Variants in DCPH1 observed in about 807,000 individuals in gnomAD.
DCPH1 encodes the protein damage-control phosphatase 1.
the DCPH1 span, chr6:151,452,482 G>A: frequency 6.3e-7 from 1 of 1,580,076 alleles, no homozygotes. Flanking sequence ...CCTTCGCGGC[G>A]GTACCGCCTC....
the DCPH1 span, chr6:151,454,519 G>C: frequency 1.9e-6 from 2 of 1,068,660 alleles, no homozygotes; most frequent in Non-Finnish European, 2.9e-6. Flanking sequence ...ATGCTGCTAA[G>C]TTATATATTG....
chr6:151,458,221 G>A, the DCPH1 span: 1 of 1,385,230 alleles, frequency 7.2e-7, no homozygotes, highest in Non-Finnish European at 9.7e-7. Flanking sequence ...ATAAAATGTA[G>A]TTTTGAACAT....
At chr6:151,468,710 A>G in the DCPH1 span, 16 of 1,614,058 alleles carry the variant, frequency 9.9e-6, no homozygotes, top group Admixed American at 1.7e-5. Context: ...CACAGTAATC[A>G]TAAGTGGATG....
the DCPH1 span, among the ~76,000 whole-genome samples, chr6:151,453,497 C>T: frequency 6.6e-6 from 1 of 152,184 alleles, no homozygotes; most frequent in African/African-American, 2.4e-5. Context: ...TTCTGATCAA[C>T]GTAGTTATTA....
At chr6:151,464,462 C>A in the DCPH1 span, 29 of 1,602,088 alleles carry the variant, frequency 1.8e-5, no homozygotes, top group Non-Finnish European at 2.3e-5. Context: ...GTCCACCAAT[C>A]GATTACTTTG....
At chr6:151,452,912 G>A in the DCPH1 span, 2 of 272,390 alleles carry the variant, frequency 7.3e-6, no homozygotes, top group Non-Finnish European at 1.4e-5. Context: ...TAAGAGTTGG[G>A]GATCTCAGCG....
the DCPH1 span, among the ~76,000 whole-genome samples, chr6:151,453,661 T>C: frequency 1.6e-4 from 25 of 152,182 alleles, no homozygotes; most frequent in African/African-American, 6.0e-4. Context: ...TTAACAATTG[T>C]CTCCTGTGAT....
chr6:151,467,434 A>AT, the DCPH1 span, among the ~76,000 whole-genome samples: 5 of 151,628 alleles, frequency 3.3e-5, no homozygotes, highest in African/African-American at 1.2e-4. Flanking sequence ...CCCCATCTTT[A>AT]TTAAAAAAAA....
the DCPH1 span, among the ~76,000 whole-genome samples, chr6:151,465,604 A>G: frequency 6.6e-6 from 1 of 152,194 alleles, no homozygotes; most frequent in South Asian, 2.1e-4. Context: ...TAAAAGTGAA[A>G]CAGAAGCCAT....
At chr6:151,453,906 C>T in the DCPH1 span, among the ~76,000 whole-genome samples, 3 of 152,148 alleles carry the variant, frequency 2.0e-5, no homozygotes, top group Non-Finnish European at 4.4e-5. Context: ...TTGAACACTT[C>T]TATAAAATCT....
the DCPH1 span, among the ~76,000 whole-genome samples, chr6:151,453,511 G>A: frequency 2.0e-5 from 3 of 152,150 alleles, no homozygotes; most frequent in Admixed American, 6.5e-5. Flanking sequence ...GTTATTATGC[G>A]CATTAAAACC....
the DCPH1 span, chr6:151,468,294 G>C: frequency 7.5e-7 from 1 of 1,330,682 alleles, no homozygotes; most frequent in Non-Finnish European, 1.0e-6. Context: ...ATGGAGTTTT[G>C]TTGGCTATTC....
At chr6:151,454,347 A>G in the DCPH1 span, among the ~76,000 whole-genome samples, 13 of 152,242 alleles carry the variant, frequency 8.5e-5, no homozygotes, top group Non-Finnish European at 2.9e-5. Flanking sequence ...TAGAGGCACC[A>G]AGACAGTTTG....
At chr6:151,453,033 G>T in the DCPH1 span, among the ~76,000 whole-genome samples, 2 of 152,220 alleles carry the variant, frequency 1.3e-5, no homozygotes, top group African/African-American at 4.8e-5. Context: ...GGGTAAAGTT[G>T]TGGGTGACCG....
At chr6:151,463,116 A>G in the DCPH1 span, among the ~76,000 whole-genome samples, 1 of 152,206 alleles carries the variant, frequency 6.6e-6, no homozygotes. Flanking sequence ...TCAGCCATTC[A>G]AAAATATAAA....
chr6:151,453,840 T>C, the DCPH1 span, among the ~76,000 whole-genome samples: 2 of 152,160 alleles, frequency 1.3e-5, no homozygotes, highest in African/African-American at 4.8e-5. Flanking sequence ...ATCAAGAATA[T>C]CTTTAATTTT....
chr6:151,456,548 T>G, the DCPH1 span, among the ~76,000 whole-genome samples: 2 of 152,238 alleles, frequency 1.3e-5, no homozygotes, highest in Non-Finnish European at 2.9e-5. Context: ...ATAATTTTGG[T>G]AACTGACATA....
the DCPH1 span, among the ~76,000 whole-genome samples, chr6:151,466,389 T>C: frequency 1.3e-5 from 2 of 152,160 alleles, no homozygotes; most frequent in East Asian, 1.9e-4. Context: ...TCCCATAGTA[T>C]AATAAACTAT....
At chr6:151,453,214 G>A in the DCPH1 span, among the ~76,000 whole-genome samples, 1 of 152,206 alleles carries the variant, frequency 6.6e-6, no homozygotes, top group Non-Finnish European at 1.5e-5. Flanking sequence ...GGCAGTCACT[G>A]TTTCAGGTCA....
Sources: allele counts gnomAD v4.1 joint callset (sites outside exome capture counted in the v4.1 genomes callset), GRCh38; gene constraint gnomAD v4.1.1; transcripts MANE v1.5; gene names NCBI Gene and HGNC (gene_info 2026-07-23, HGNC 2026-07-21).